The following TMED3 variants were observed in gnomAD, a reference collection of about 807,000 sequenced individuals.
TMED3 encodes the protein transmembrane p24 trafficking protein 3, also known as transmembrane emp24 domain-containing protein 3.
In TMED3, 9 loss-of-function variants were observed where a neutral mutation model predicts 15.0. That is an observed-to-expected ratio of 0.60 (90% CI 0.36 to 1.04). The LOEUF is 1.04. TMED3 is among the 50% of genes least tolerant of loss of function. The probability of loss-of-function intolerance (pLI) is 0.01; values close to 1 mark genes in which losing one functional copy is unlikely to be tolerated. For missense variants in TMED3, 267 were observed against 278.9 expected (o/e 0.96, Z 0.30); for synonymous variants, 117 against 121.4 (o/e 0.96, Z 0.24).
At chr15:79,356,215 C>T (rs867062983) in intron 2 of TMED3, among the ~76,000 whole-genome samples, 1 of 152,096 alleles carries the variant, frequency 6.6e-6, no homozygotes, top group African/African-American at 2.4e-5. Context: ...GTTAGATTGG[C>T]GAGGAAAAGC....
At chr15:79,331,542 C>CAAAAAAAAAAAAAAAAAAAGG (rs2058808873) in intron 2 of TMED3, among the ~76,000 whole-genome samples, 1 of 89,288 alleles carries the variant, frequency 1.1e-5, no homozygotes, top group Non-Finnish European at 2.1e-5. Context: ...GCAAAAGAAG[C>CAAAAAAAAAAAAAAAAAAAGG]AAAAAAAAAA....
In TMED3 at chr15:79,395,179, TG is replaced by T. The variant is rs1893748939; in HGVS notation, c.418-16220del. Among the ~76,000 whole-genome samples the T allele has an allele frequency of 2.0e-5, 3 of 152,204 alleles. No homozygotes were observed. In the South Asian group the frequency reaches 6.2e-4, roughly 32 times the overall value. ...CTGTAGATGATGTCCCTGGTTTTTT[TG>T]TTTTGTTTGTTTGTTTGAGATGGAG... is the stretch of plus-strand genomic sequence containing the variant. On this transcript the variant is annotated intron_variant, in intron 2 of 2. Transcript: ENST00000424155.
chr15:79,359,519 T>C (rs1254761742), intron 2 of TMED3, among the ~76,000 whole-genome samples: 1 of 152,134 alleles, frequency 6.6e-6, no homozygotes, highest in African/African-American at 2.4e-5. Flanking sequence ...TGAGCCACTA[T>C]ACCCGGCCAA....
At chr15:79,376,312 G>T (rs1041188223) in intron 2 of TMED3, among the ~76,000 whole-genome samples, 1 of 149,574 alleles carries the variant, frequency 6.7e-6, no homozygotes, top group Non-Finnish European at 1.5e-5. Context: ...GGCATTCTTG[G>T]GTAACTTAAA....
intron 2 of TMED3, among the ~76,000 whole-genome samples, chr15:79,343,605 T>A (rs2058858844): frequency 6.6e-6 from 1 of 151,994 alleles, no homozygotes; most frequent in African/African-American, 2.4e-5. Flanking sequence ...AGGGTCACTA[T>A]GGCTGCTTTG....
intron 2 of TMED3, among the ~76,000 whole-genome samples, chr15:79,319,754 A>G (rs12593748): frequency 0.17 from 26,123 of 152,152 alleles, 2,884 homozygotes; most frequent in East Asian, 0.57. Context: ...TCACGTGTCC[A>G]CTGGACAGGG....
At chr15:79,312,275 G>A (rs967413773) in intron 1 of TMED3, among the ~76,000 whole-genome samples, 3 of 152,194 alleles carry the variant, frequency 2.0e-5, no homozygotes, top group Non-Finnish European at 4.4e-5. Context: ...GGAAGCTTGC[G>A]CTTGGAGACA....
In TMED3 at chr15:79,337,071, G is replaced by T. The variant is rs541882649; in HGVS notation, c.417+23066G>T. Reference sequence around the variant, plus strand: ...TCTATTGGATCTATCTGCTTTAGCTGCTATCAGTTGCAAAGTGTCATAGTC... The same window carrying T: ...TCTATTGGATCTATCTGCTTTAGCTTCTATCAGTTGCAAAGTGTCATAGTC... On this transcript the variant is annotated intron_variant, in intron 2 of 2. Transcript: ENST00000424155. 2.2e-4 allele frequency among the ~76,000 whole-genome samples: 34 copies of T among 152,334 alleles called. 1 individual carries two copies. The South Asian group carries it at 6.4e-3, about 29-fold the overall frequency.
At chr15:79,331,542 C>CAAAAAAAAAAAAAAAAAAGAAAA (rs2058808634) in intron 2 of TMED3, among the ~76,000 whole-genome samples, 2 of 89,288 alleles carry the variant, frequency 2.2e-5, no homozygotes, top group East Asian at 5.1e-4. Flanking sequence ...GCAAAAGAAG[C>CAAAAAAAAAAAAAAAAAAGAAAA]AAAAAAAAAA....
chr15:79,319,986 GTGGGCCTGACTGA>G (rs2058758392), intron 2 of TMED3, among the ~76,000 whole-genome samples: 1 of 152,210 alleles, frequency 6.6e-6, no homozygotes. Flanking sequence ...ATAACTGCGG[GTGGGCCTGACTGA>G]TGTCAGGCCC....
chr15:79,381,889 A>G (rs986476957), intron 2 of TMED3, among the ~76,000 whole-genome samples: 1 of 152,234 alleles, frequency 6.6e-6, no homozygotes, highest in Non-Finnish European at 1.5e-5. Flanking sequence ...TAATGCTGTC[A>G]GAAGTATCCA....
chr15:79,363,811 G>C (rs1279471150), intron 2 of TMED3, among the ~76,000 whole-genome samples: 2 of 152,174 alleles, frequency 1.3e-5, no homozygotes, highest in African/African-American at 4.8e-5. Context: ...GTGCAGCAAA[G>C]CTCAACACTG....
chr15:79,364,611 A>G (rs985232612), intron 2 of TMED3, among the ~76,000 whole-genome samples: 2 of 151,748 alleles, frequency 1.3e-5, no homozygotes, highest in African/African-American at 2.4e-5. Context: ...CCCAGGTTCC[A>G]GGAGCAGACA....
chr15:79,322,344 T>C lies in TMED3; in HGVS notation c.*130T>C. 6.7e-7 allele frequency: 1 copy of C among 1,485,626 alleles called. No homozygotes were observed. The allele number at this position is 1,485,626 out of a possible 1,614,324, so 92.0% of individuals were successfully genotyped here. A position where few individuals can be genotyped will look rare whatever the true frequency, so the allele number is the denominator to read the frequency against. ...ATGCTGCTGTGGTAGCCCTTTGCCT[T>C]TCATGCCCATGCTTGATTCTTGCAC... On this transcript the variant is annotated 3_prime_UTR_variant, in exon 3 of 3. Transcript: ENST00000299705.
At chr15:79,339,013 CT>C (rs1324481516) in intron 2 of TMED3, among the ~76,000 whole-genome samples, 1 of 152,214 alleles carries the variant, frequency 6.6e-6, no homozygotes, top group Admixed American at 6.5e-5. Flanking sequence ...AGGGGCCTGT[CT>C]CCCTGTGATG....
intron 2 of TMED3, among the ~76,000 whole-genome samples, chr15:79,337,682 G>A (rs754985948): frequency 8.5e-5 from 13 of 152,176 alleles, no homozygotes; most frequent in East Asian, 1.9e-4. Flanking sequence ...CAGCAGGAAC[G>A]TGCACAGAAG....
At position 79,351,449 on chromosome 15, in the gene TMED3, T is replaced by G. The variant is rs2058890653; in HGVS notation, c.417+37444T>G. ...TTGAAAAGATGAAAAAACCTTTAAT[T>G]ACCAGCACATCCAAGTCAGTTCTTT... is the stretch of plus-strand genomic sequence containing the variant. On this transcript the variant is annotated intron_variant, in intron 2 of 2. Coordinates refer to the TMED3 transcript ENST00000424155. Among the ~76,000 whole-genome samples, 4 of 152,208 alleles carry G rather than the reference T, an allele frequency of 2.6e-5. No individual in the cohort carries two copies. The South Asian group carries it at 8.3e-4, about 31-fold the overall frequency.
At chr15:79,355,045 G>C (rs77709599) in intron 2 of TMED3, among the ~76,000 whole-genome samples, 7,028 of 152,204 alleles carry the variant, frequency 0.046, 219 homozygotes, top group Middle Eastern at 0.071. Flanking sequence ...CCCTGCCACT[G>C]GGTTTACATA....
At chr15:79,408,330 C>G (rs928598128) in intron 2 of TMED3, among the ~76,000 whole-genome samples, 1 of 152,184 alleles carries the variant, frequency 6.6e-6, no homozygotes, top group Non-Finnish European at 1.5e-5. Context: ...CGCAGTTCCT[C>G]CCATCGGACG....
Sources: allele counts gnomAD v4.1 joint callset (sites outside exome capture counted in the v4.1 genomes callset), GRCh38; gene constraint gnomAD v4.1.1; transcripts MANE v1.5; gene names NCBI Gene and HGNC (gene_info 2026-07-23, HGNC 2026-07-21).